SRPK2: variants seen among roughly 807,000 people sequenced by gnomAD.
SRPK2 encodes SRSF protein kinase 2, also known as SFRS protein kinase 2.
In SRPK2, 21 loss-of-function variants were observed where a neutral mutation model predicts 90.8. The ratio of observed to expected loss-of-function variants is 0.23; its 90% CI spans 0.16 to 0.33. The LOEUF (loss-of-function observed/expected upper bound fraction) is 0.33, where lower values mean the gene tolerates loss of function less well. SRPK2 is among the 10% of genes least tolerant of loss of function. The pLI, the probability that SRPK2 is intolerant of heterozygous loss-of-function variation, is 1.00. For missense variants in SRPK2, 620 were observed against 869.0 expected, an observed-to-expected ratio of 0.71 and a Z score of 3.60; for synonymous variants, 288 against 311.1, an observed-to-expected ratio of 0.93 and a Z score of 0.78.
intron 6 of SRPK2, among the ~76,000 whole-genome samples, chr7:105,163,967 T>A (rs546041943): frequency 6.6e-6 from 1 of 152,314 alleles, no homozygotes; most frequent in South Asian, 2.1e-4. Context: ...AAAACCATTG[T>A]TCCCAGATCA....
rs1801192166 is a variant in SRPK2, at chr7:105,126,286, A to T, written c.1877T>A (p.Leu626Gln). Residue 626 changes from leucine to glutamine, a missense_variant, in exon 15 of 16, where the codon CTA becomes CAA. By Grantham distance (113) the Leu-to-Gln change is moderately radical. Coordinates refer to ENST00000393651, the MANE Select transcript of SRPK2 (RefSeq NM_182692.3). ...LLGSIPRHFA[L>Q]SGKYSREFFN... ...GAATTCCCGAGAATATTTTCCAGATAGAGCAAAGTGCCTTGGAATACTGCC... is the reference window on the plus strand; with the variant it reads ...GAATTCCCGAGAATATTTTCCAGATTGAGCAAAGTGCCTTGGAATACTGCC... The T allele has an allele frequency of 1.2e-6, 2 of 1,614,150 alleles. No individual in the cohort carries two copies. Among genetic ancestry groups the T allele is most frequent in the Non-Finnish European group, 1.7e-6 (2 of 1,179,990 alleles).
At chr7:105,215,218 C>T (rs1021558278) in intron 2 of SRPK2, among the ~76,000 whole-genome samples, 1 of 152,014 alleles carries the variant, frequency 6.6e-6, no homozygotes, top group African/African-American at 2.4e-5. Context: ...AATATAAGAG[C>T]TAAAATTATA....
intron 2 of SRPK2, among the ~76,000 whole-genome samples, chr7:105,329,868 A>T (rs1814075497): frequency 6.8e-6 from 1 of 147,596 alleles, no homozygotes; most frequent in Non-Finnish European, 1.5e-5. Context: ...CGTCTCTACT[A>T]AAAAAAAAAT....
intron 2 of SRPK2, among the ~76,000 whole-genome samples, chr7:105,376,833 C>T (rs1384556236): frequency 2.0e-5 from 2 of 100,528 alleles, no homozygotes; most frequent in South Asian, 5.2e-4. Flanking sequence ...CCACCACGCC[C>T]GCCCCCCCAC....
At chr7:105,121,906 G>A (rs1800437061) in intron 15 of SRPK2, among the ~76,000 whole-genome samples, 2 of 152,166 alleles carry the variant, frequency 1.3e-5, no homozygotes, top group African/African-American at 2.4e-5. Context: ...ACTACATGTG[G>A]GAGGACTCTA....
At position 105,177,942 on chromosome 7, in the gene SRPK2, C is replaced by A. The variant is rs1792196647; in HGVS notation, c.230-8677G>T. Among the ~76,000 whole-genome samples the A allele has an allele frequency of 6.0e-5, 9 of 150,254 alleles. No homozygotes were observed. In the South Asian group the frequency reaches 1.9e-3, roughly 31 times the overall value. On this transcript the variant is annotated intron_variant, in intron 3 of 15. Coordinates refer to ENST00000393651, the MANE Select transcript of SRPK2 (RefSeq NM_182692.3). ...TACTCGGGAGGCTGAGGCAGGAGAA[C>A]GGCGTGAACCCGGAAGGTGGAGCTT... is the stretch of plus-strand genomic sequence containing the variant.
intron 2 of SRPK2, among the ~76,000 whole-genome samples, chr7:105,254,936 C>T (rs1375169527): frequency 4.0e-5 from 6 of 151,738 alleles, no homozygotes; most frequent in South Asian, 2.1e-4. Flanking sequence ...ATGATCCACC[C>T]GCCTCGGCCT....
At chr7:105,283,106 C>T (rs1391619218) in intron 2 of SRPK2, among the ~76,000 whole-genome samples, 1 of 152,194 alleles carries the variant, frequency 6.6e-6, no homozygotes, top group African/African-American at 2.4e-5. Context: ...TACCACTTCA[C>T]AACCAAGAGG....
At chr7:105,265,057 G>A (rs1450127348) in intron 2 of SRPK2, among the ~76,000 whole-genome samples, 1 of 152,016 alleles carries the variant, frequency 6.6e-6, no homozygotes, top group African/African-American at 2.4e-5. Flanking sequence ...GATTCTTCTG[G>A]GATGATTTAT....
At chr7:105,204,151 G>C (rs1013664798) in intron 2 of SRPK2, among the ~76,000 whole-genome samples, 1 of 152,178 alleles carries the variant, frequency 6.6e-6, no homozygotes, top group African/African-American at 2.4e-5. Context: ...TTATTGGTTA[G>C]AAAACATCAC....
At chr7:105,175,017 C>T (rs1293640563) in intron 3 of SRPK2, among the ~76,000 whole-genome samples, 2 of 151,890 alleles carry the variant, frequency 1.3e-5, no homozygotes, top group East Asian at 1.9e-4. Context: ...TGGTGGTGCA[C>T]GCCTGTAGTC....
At chr7:105,188,251 G>A (rs980881607) in intron 3 of SRPK2, among the ~76,000 whole-genome samples, 2 of 152,194 alleles carry the variant, frequency 1.3e-5, no homozygotes, top group African/African-American at 4.8e-5. Context: ...AACACAAAAA[G>A]TGATGTATTG....
At chr7:105,376,069 A>C (rs777079852) in intron 2 of SRPK2, among the ~76,000 whole-genome samples, 2 of 134,290 alleles carry the variant, frequency 1.5e-5, no homozygotes, top group Admixed American at 9.2e-5. Context: ...TCTCAGCTCA[A>C]TGCAAGCTCC....
Position 105,146,667 on chromosome 7 carries a change from A to G in SRPK2, c.622-9T>C. ...TCTAACCCTTGAAGGACCTGGATAT[A>G]GTAAAATCAAGAGAGAAGATAAGCT... On this transcript the variant is annotated splice_polypyrimidine_tract_variant and intron_variant, in intron 7 of 15. Transcript: ENST00000393651. The G allele has an allele frequency of 4.3e-6, 7 of 1,613,364 alleles. No individual in the cohort carries two copies. Among genetic ancestry groups the G allele is most frequent in the Non-Finnish European group, 5.9e-6 (7 of 1,179,540 alleles).
upstream of SRPK2, chr7:105,389,009 GC>G: frequency 1.1e-6 from 1 of 912,870 alleles, no homozygotes; most frequent in African/African-American, 2.9e-5. Flanking sequence ...CCACCCGCCG[GC>G]CCCGGGGGTC....
chr7:105,319,616 C>T (rs188657453), intron 2 of SRPK2, among the ~76,000 whole-genome samples: 2 of 150,558 alleles, frequency 1.3e-5, no homozygotes, highest in Admixed American at 6.7e-5. Context: ...AGAAGGACTC[C>T]GTACTTCAAT....
chr7:105,359,350 G>A (rs1818171741), intron 2 of SRPK2, among the ~76,000 whole-genome samples: 1 of 151,648 alleles, frequency 6.6e-6, no homozygotes, highest in Non-Finnish European at 1.5e-5. Flanking sequence ...AGTAGAGATG[G>A]GGTTTCACTG....
intron 3 of SRPK2, among the ~76,000 whole-genome samples, chr7:105,183,042 G>A (rs972559187): frequency 6.6e-6 from 1 of 152,078 alleles, no homozygotes; most frequent in African/African-American, 2.4e-5. Context: ...AAGCTATCAC[G>A]GGATCCACAA....
At chr7:105,230,152 A>G (rs1042382103) in intron 2 of SRPK2, among the ~76,000 whole-genome samples, 2 of 152,204 alleles carry the variant, frequency 1.3e-5, no homozygotes, top group African/African-American at 4.8e-5. Flanking sequence ...GCCTGAGGAT[A>G]AGAGGGCCCA....
Sources: allele counts gnomAD v4.1 joint callset (sites outside exome capture counted in the v4.1 genomes callset), GRCh38; gene constraint gnomAD v4.1.1; transcripts MANE v1.5; gene names NCBI Gene and HGNC (gene_info 2026-07-23, HGNC 2026-07-21).